SRA1: variants seen among roughly 807,000 people sequenced by gnomAD.
SRA1 encodes steroid receptor RNA activator 1.
A neutral mutation model predicts 24.3 loss-of-function variants in SRA1; 25 were observed. The observed-to-expected ratio is 1.03, with a 90% CI of 0.75 to 1.43. The LOEUF (loss-of-function observed/expected upper bound fraction) is 1.43. Among genes scored for constraint, SRA1 ranks in the 40% most tolerant of loss-of-function variants. SRA1 has a pLI of 0.00. For missense variants in SRA1, 303 were observed against 286.6 expected, an observed-to-expected ratio of 1.06 and a Z score of -0.41; for synonymous variants, 104 against 109.5, an observed-to-expected ratio of 0.95 and a Z score of 0.31.
chr5:140,557,738 A>G (rs1754768464), upstream of SRA1: 3 of 542,386 alleles, frequency 5.5e-6, no homozygotes, highest in Non-Finnish European at 9.7e-6. Flanking sequence ...AAATTCAAAC[A>G]AAGAAGCTCC....
intron 2 of SRA1, among the ~76,000 whole-genome samples, chr5:140,556,706 C>T (rs1754709963): frequency 6.6e-6 from 1 of 151,760 alleles, no homozygotes; most frequent in African/African-American, 2.4e-5. Flanking sequence ...TCTAGTTCGC[C>T]CTCAAACAGT....
chr5:140,556,771 G>A (rs1655944427), intron 2 of SRA1, among the ~76,000 whole-genome samples: 1 of 151,890 alleles, frequency 6.6e-6, no homozygotes, highest in Non-Finnish European at 1.5e-5. Context: ...ATGAAAAACT[G>A]TGAAGTCTGA....
In SRA1 at chr5:140,556,851, G is replaced by C. The variant is rs374962356; in HGVS notation, c.151+296C>G. On this transcript the variant is annotated intron_variant, in intron 2 of 4. Coordinates refer to ENST00000336283, the MANE Select transcript of SRA1 (RefSeq NM_001035235.4). ...TGCCACTATACGGTTCTGGCAAGAG[G>C]TATAGGTTAACAAAGAAAAATAACT... is the stretch of plus-strand genomic sequence containing the variant. 9.1e-4 allele frequency among the ~76,000 whole-genome samples: 138 copies of C among 152,078 alleles called. 2 individuals are homozygous for C. Among genetic ancestry groups the C allele is most frequent in the African/African-American group, 3.1e-3 (128 of 41,494 alleles).
Position 140,552,109 on chromosome 5 carries a change from G to A in SRA1, c.227C>T (p.Pro76Leu). ...PPPSSKAPRSPPVGSGPASGV... is the reference protein window; with the variant it reads ...PPPSSKAPRSLPVGSGPASGV... ...AGAGGCAGGACCACTCCCCACAGGT[G>A]GGGACCTGGGAGCCTTACTTGAAGG... The change falls in exon 3 of 5, where the codon CCA becomes CTA. Residue 76 changes from proline to leucine, a missense_variant. Coordinates refer to ENST00000336283, the MANE Select transcript of SRA1 (RefSeq NM_001035235.4). 6.2e-7 allele frequency: 1 copy of A among 1,613,552 alleles called. No individual in the cohort carries two copies. Among genetic ancestry groups the A allele is most frequent in the South Asian group, 1.1e-5 (1 of 90,914 alleles).
chr5:140,550,544 TA>T lies in SRA1; in HGVS notation c.*155del. The T allele has an allele frequency of 1.5e-6, 1 of 684,842 alleles. No individual in the cohort carries two copies. The highest frequency in any genetic ancestry group is 1.8e-5 in the African/African-American group (1 of 55,896). The allele number at this position is 684,842 out of a possible 1,614,324, so 42.4% of individuals were successfully genotyped here. ...TTTTTATTGAAATGCATGTTATGAG[TA>T]ACACATGAACTCCCTCTGGCCCAGG... On this transcript the variant is annotated 3_prime_UTR_variant, in exon 5 of 5. Coordinates refer to ENST00000336283, the MANE Select transcript of SRA1 (RefSeq NM_001035235.4).
At chr5:140,557,304 C>T (rs745669051) in intron 1 of SRA1, 32 bp from the exon 2 acceptor site, 9 of 1,607,610 alleles carry the variant, frequency 5.6e-6, no homozygotes, top group Non-Finnish European at 6.8e-6. Context: ...GAAGCGAGCC[C>T]GGAACTCCAC....
chr5:140,551,065 C>T lies in SRA1; in HGVS notation c.459G>A (p.Val153=). Residue 153 remains valine, a synonymous_variant, in exon 4 of 5, where the codon GTG becomes GTA. Transcript: ENST00000336283. ...TACCAAAGAACCCACCCATACCTTG[C>T]ACCAGTAGAGCCATTCTCTTCTTTA... ...IPVKKRMALL[V]QELSSHRWDA... The T allele has an allele frequency of 1.2e-6, 2 of 1,613,198 alleles. No homozygotes were observed. Among genetic ancestry groups the T allele is most frequent in the South Asian group, 1.1e-5 (1 of 91,066 alleles).
At position 140,550,674 on chromosome 5, in the gene SRA1, G is replaced by T; in HGVS notation, c.*26C>A. On this transcript the variant is annotated 3_prime_UTR_variant, in exon 5 of 5. Coordinates refer to ENST00000336283, the MANE Select transcript of SRA1 (RefSeq NM_001035235.4). ...AGGTCTCCAAGGCATAGGAGATGGT[G>T]TCCGGTGAGTCTGGGGAACCGAGGA... The T allele has an allele frequency of 6.2e-7, 1 of 1,608,780 alleles. No homozygotes were observed. Among genetic ancestry groups the T allele is most frequent in the Non-Finnish European group, 8.5e-7 (1 of 1,175,182 alleles).
intron 3 of SRA1, 187 bp downstream of exon 3, chr5:140,551,795 T>A: frequency 1.8e-6 from 1 of 544,412 alleles, no homozygotes; most frequent in South Asian, 2.7e-5. Context: ...TCTTCAAAAG[T>A]CTTATTAATG....
Position 140,551,965 on chromosome 5 carries a change from G to C in SRA1, c.354+17C>G. 1.2e-6 allele frequency: 2 copies of C among 1,611,772 alleles called. No homozygotes were observed. The highest frequency in any genetic ancestry group is 2.2e-5 in the South Asian group (2 of 90,802). On this transcript the variant is annotated intron_variant, in intron 3 of 4. Coordinates refer to ENST00000336283, the MANE Select transcript of SRA1 (RefSeq NM_001035235.4). ...TGGATGGGAGCCCTCTCTAACCTCT[G>C]ATGTGCCAGAGCTTACCCTTGTGTG... is the stretch of plus-strand genomic sequence containing the variant.
chr5:140,551,228 G>T, intron 3 of SRA1, 59 bp from the exon 4 acceptor site: 1 of 1,363,972 alleles, frequency 7.3e-7, no homozygotes, highest in Non-Finnish European at 1.0e-6. Context: ...GGGAGGAGAG[G>T]GGAAGACAGC....
At chr5:140,556,743 A>G (rs1275387934) in intron 2 of SRA1, among the ~76,000 whole-genome samples, 4 of 152,064 alleles carry the variant, frequency 2.6e-5, no homozygotes, top group South Asian at 2.1e-4. Context: ...TGCTCAGTAA[A>G]TAACAGTGAT....
At chr5:140,551,225 G>A in intron 3 of SRA1, 56 bp from the exon 4 acceptor site, 2 of 1,410,070 alleles carry the variant, frequency 1.4e-6, no homozygotes, top group Non-Finnish European at 2.0e-6. Context: ...GAGGGGAGGA[G>A]AGGGGAAGAC....
chr5:140,557,448 G>T lies in SRA1; in HGVS notation c.5C>A (p.Ala2Glu). ...CTCACCCGGCTTCACGTACAGCTCC[G>T]CCATCTCCACTTCCGCTTGGCCAGC... The part of the protein sequence containing the change: M[A>E]ELYVKPGNKE... The change falls in exon 1 of 5, where the codon GCG becomes GAG. Residue 2 changes from alanine (A) to glutamate (E), a missense_variant. Physicochemically the swap from Ala to Glu is moderately radical, Grantham distance 107. Transcript: ENST00000336283. 6.4e-7 allele frequency: 1 copy of T among 1,561,664 alleles called. No homozygotes were observed. Among genetic ancestry groups the T allele is most frequent in the Non-Finnish European group, 8.7e-7 (1 of 1,154,618 alleles).
At position 140,550,626 on chromosome 5, in the gene SRA1, T is replaced by G. The variant is rs1581395711; in HGVS notation, c.*74A>C. ...CCCAGTGGGACAGTCTTGGTGGTGG[T>G]AAGAAGGGAGCCAAGTGACAGAAGG... On this transcript the variant is annotated 3_prime_UTR_variant, in exon 5 of 5. Transcript: ENST00000336283. The G allele has an allele frequency of 6.8e-7, 1 of 1,461,636 alleles. No homozygotes were observed. Among genetic ancestry groups the G allele is most frequent in the South Asian group, 1.2e-5 (1 of 86,602 alleles). The allele number at this position is 1,461,636 out of a possible 1,614,324, so 90.5% of individuals were successfully genotyped here.
intron 2 of SRA1, among the ~76,000 whole-genome samples, chr5:140,552,900 C>T (rs967432330): frequency 6.6e-6 from 1 of 152,074 alleles, no homozygotes; most frequent in Non-Finnish European, 1.5e-5. Flanking sequence ...AGTTCCTGAC[C>T]TCAGAGAGCT....
chr5:140,557,517 T>C (rs567444035), upstream of SRA1: 42 of 1,521,360 alleles, frequency 2.8e-5, no homozygotes, highest in Admixed American at 5.1e-4. Flanking sequence ...CGCGGGCCAG[T>C]TGAGACACGT....
In SRA1 at chr5:140,550,544, T is replaced by A. The variant is rs35070190; in HGVS notation, c.*156A>T. 1,565 of 684,842 alleles carry A rather than the reference T, an allele frequency of 2.3e-3. 12 individuals carry two copies. In the African/African-American group the frequency reaches 0.025, roughly 11 times the overall value. The allele number at this position is 684,842 out of a possible 1,614,324, so 42.4% of individuals were successfully genotyped here. A position where few individuals can be genotyped will look rare whatever the true frequency, so the allele number is the denominator to read the frequency against. On this transcript the variant is annotated 3_prime_UTR_variant, in exon 5 of 5. Coordinates refer to ENST00000336283, the MANE Select transcript of SRA1 (RefSeq NM_001035235.4). The stretch of plus-strand genomic sequence containing the variant: ...TTTTTATTGAAATGCATGTTATGAG[T>A]AACACATGAACTCCCTCTGGCCCAG...
rs1754754572 is a variant in SRA1 at position 140,557,412 on chromosome 5, C to G, written c.25+16G>C. 2 of 1,581,708 alleles carry G rather than the reference C, an allele frequency of 1.3e-6. No individual in the cohort carries two copies. The highest frequency in any genetic ancestry group is 1.3e-5 in the African/African-American group (1 of 74,094). On this transcript the variant is annotated intron_variant, in intron 1 of 4. Coordinates refer to ENST00000336283, the MANE Select transcript of SRA1 (RefSeq NM_001035235.4). ...GGGGCGACAACCTAGTGCCCTAGCC[C>G]GCCGGCTGCGCTCACCCGGCTTCAC...
Sources: allele counts gnomAD v4.1 joint callset (sites outside exome capture counted in the v4.1 genomes callset), GRCh38; gene constraint gnomAD v4.1.1; transcripts MANE v1.5; gene names NCBI Gene and HGNC (gene_info 2026-07-23, HGNC 2026-07-21).